The following NFIB variants were observed in gnomAD, a reference collection of about 807,000 sequenced individuals.
NFIB encodes the protein nuclear factor I B.
A neutral mutation model predicts 61.5 loss-of-function variants in NFIB; 11 were observed. That is an observed-to-expected ratio of 0.18 (90% CI 0.11 to 0.30). The LOEUF (loss-of-function observed/expected upper bound fraction) is 0.30. NFIB is among the 10% of genes least tolerant of loss of function. The pLI is 1.00. For missense variants in NFIB, 471 were observed against 608.9 expected (o/e 0.77, Z 2.38); for synonymous variants, 260 against 216.5 (o/e 1.20, Z -1.76).
intron 2 of NFIB, among the ~76,000 whole-genome samples, chr9:14,201,196 T>G (rs545584915): frequency 2.0e-5 from 3 of 152,318 alleles, no homozygotes; most frequent in African/African-American, 4.8e-5. Context: ...ATCCTCTGCA[T>G]AGCCACCAGG....
chr9:14,509,904 G>C, the NFIB span, among the ~76,000 whole-genome samples: 1 of 152,098 alleles, frequency 6.6e-6, no homozygotes, highest in African/African-American at 2.4e-5. Flanking sequence ...TTTTAGTTTC[G>C]TTCAGTTTTT....
the NFIB span, among the ~76,000 whole-genome samples, chr9:14,414,886 C>T: frequency 1.3e-5 from 2 of 152,138 alleles, no homozygotes; most frequent in African/African-American, 4.8e-5. Flanking sequence ...TGTAGACTTC[C>T]CCACACACTG....
At chr9:14,322,034 A>AT in intron 1 of NFIB, 1 of 1,141,980 alleles carries the variant, frequency 8.8e-7, no homozygotes, top group Non-Finnish European at 1.1e-6. Flanking sequence ...AGATTTGTGG[A>AT]TTTTCTCAGG....
chr9:14,126,595 C>T (rs1033586226), intron 6 of NFIB, among the ~76,000 whole-genome samples: 2 of 152,178 alleles, frequency 1.3e-5, no homozygotes, highest in Non-Finnish European at 2.9e-5. Context: ...ACAGAATACA[C>T]AAGTAAACAG....
upstream of NFIB, among the ~76,000 whole-genome samples, chr9:14,401,020 T>A (rs1010980767): frequency 6.6e-6 from 1 of 152,196 alleles, no homozygotes; most frequent in African/African-American, 2.4e-5. Flanking sequence ...TTTCTAATCA[T>A]CCCAAGAAGG....
chr9:14,287,802 C>A lies in NFIB; in HGVS notation c.562+19187G>T, dbSNP rs147318072. Among the ~76,000 whole-genome samples the A allele has an allele frequency of 1.4e-4, 21 of 152,112 alleles. No homozygotes were observed. In the East Asian group the frequency reaches 2.9e-3, roughly 21 times the overall value. ...TGGAAGAGGCATCATTTACAGAGAA[C>A]AAAATATTTAAAGCTGGGTGTTATT... On this transcript the variant is annotated intron_variant, in intron 2 of 10. Coordinates refer to ENST00000380953, the MANE Select transcript of NFIB (RefSeq NM_001190737.2).
the NFIB span, among the ~76,000 whole-genome samples, chr9:14,450,688 C>T: frequency 6.6e-6 from 1 of 152,168 alleles, no homozygotes; most frequent in Non-Finnish European, 1.5e-5. Flanking sequence ...CTAACTTTGT[C>T]CTCCTGATTC....
intron 2 of NFIB, among the ~76,000 whole-genome samples, chr9:14,288,323 T>C (rs2058850105): frequency 6.6e-6 from 1 of 151,290 alleles, no homozygotes. Context: ...GATATCAGAG[T>C]TCAATGTTAC....
At chr9:14,499,688 T>C in the NFIB span, among the ~76,000 whole-genome samples, 5 of 152,176 alleles carry the variant, frequency 3.3e-5, no homozygotes, top group African/African-American at 4.8e-5. Context: ...GCCAGAAACA[T>C]GGCAGAAGTG....
At chr9:14,373,465 G>A (rs1050713955) in intron 1 of NFIB, among the ~76,000 whole-genome samples, 9 of 152,084 alleles carry the variant, frequency 5.9e-5, no homozygotes, top group Non-Finnish European at 1.3e-4. Flanking sequence ...AAGTCTTAAG[G>A]ATTCTTTTCT....
the NFIB span, among the ~76,000 whole-genome samples, chr9:14,437,522 A>T: frequency 6.6e-6 from 1 of 152,206 alleles, no homozygotes; most frequent in African/African-American, 2.4e-5. Flanking sequence ...TAAAAGTAAG[A>T]TGACTGTTTA....
At chr9:14,315,384 C>T (rs2060494366), upstream of NFIB, among the ~76,000 whole-genome samples, 1 of 150,844 alleles carries the variant, frequency 6.6e-6, no homozygotes, top group Admixed American at 6.6e-5. Context: ...CTCCCTCCAC[C>T]TCCTCCCCGC....
intron 2 of NFIB, among the ~76,000 whole-genome samples, chr9:14,187,655 G>A (rs1425821199): frequency 2.6e-5 from 4 of 152,016 alleles, no homozygotes; most frequent in Non-Finnish European, 5.9e-5. Flanking sequence ...GCTTAACAAG[G>A]AGATTAGGTA....
At chr9:14,526,859 C>T in the NFIB span, among the ~76,000 whole-genome samples, 1 of 152,070 alleles carries the variant, frequency 6.6e-6, no homozygotes, top group Non-Finnish European at 1.5e-5. Context: ...AGAACACGAC[C>T]CTTTGCTTCC....
At chr9:14,386,107 G>A (rs2061546535) in intron 1 of NFIB, among the ~76,000 whole-genome samples, 1 of 152,092 alleles carries the variant, frequency 6.6e-6, no homozygotes, top group Non-Finnish European at 1.5e-5. Flanking sequence ...TGATAAATGT[G>A]CTGAATCATT....
At chr9:14,434,649 A>T in the NFIB span, among the ~76,000 whole-genome samples, 2 of 152,204 alleles carry the variant, frequency 1.3e-5, no homozygotes, top group African/African-American at 2.4e-5. Context: ...CTCAGCAAGA[A>T]AAGCTTCCCA....
chr9:14,125,510 A>C (rs2382436), intron 7 of NFIB, 122 bp downstream of exon 7: 241,300 of 1,348,066 alleles, frequency 0.18, 23,782 homozygotes, highest in African/African-American at 0.37. Flanking sequence ...TGTGCCCCTC[A>C]CCATATGGGT....
At chr9:14,295,514 C>T (rs1355060276) in intron 2 of NFIB, among the ~76,000 whole-genome samples, 1 of 151,994 alleles carries the variant, frequency 6.6e-6, no homozygotes, top group Non-Finnish European at 1.5e-5. Context: ...GCCTGTAGTC[C>T]CAGCTACTCG....
the NFIB span, among the ~76,000 whole-genome samples, chr9:14,522,781 T>C: frequency 1.1e-3 from 166 of 152,318 alleles, no homozygotes; most frequent in Non-Finnish European, 2.1e-3. Context: ...TTCATCAGAT[T>C]AGCTGTCAGC....
Sources: allele counts gnomAD v4.1 joint callset (sites outside exome capture counted in the v4.1 genomes callset), GRCh38; gene constraint gnomAD v4.1.1; transcripts MANE v1.5; gene names NCBI Gene and HGNC (gene_info 2026-07-23, HGNC 2026-07-21).